GLRA3: variants seen among roughly 807,000 people sequenced by gnomAD.
GLRA3 encodes glycine receptor alpha 3.
GLRA3 carries 44 observed loss-of-function variants against 60.4 expected under a neutral mutation model. The ratio of observed to expected loss-of-function variants is 0.73; its 90% CI spans 0.57 to 0.94. The LOEUF is 0.94. Among genes scored for constraint, GLRA3 ranks in the 40% least tolerant of loss-of-function variants. The pLI is 0.00. For synonymous variants in GLRA3, 223 were observed against 192.9 expected (o/e 1.16, Z -1.29); for missense variants, 508 against 564.6 (o/e 0.90, Z 1.02).
intron 3 of GLRA3, among the ~76,000 whole-genome samples, chr4:174,732,623 T>C (rs1052365229): frequency 5.9e-5 from 9 of 152,030 alleles, no homozygotes; most frequent in Middle Eastern, 3.2e-3. Flanking sequence ...ATCAAATACC[T>C]AGTAGTGAAA....
intron 7 of GLRA3, among the ~76,000 whole-genome samples, chr4:174,672,627 C>T (rs1291981921): frequency 1.3e-5 from 2 of 152,088 alleles, no homozygotes. Flanking sequence ...AGATCTGAAA[C>T]CCACTCCACA....
At chr4:174,691,304 C>A (rs1734785253) in intron 5 of GLRA3, among the ~76,000 whole-genome samples, 1 of 152,124 alleles carries the variant, frequency 6.6e-6, no homozygotes, top group Non-Finnish European at 1.5e-5. Flanking sequence ...TGATGTTGAA[C>A]TTTTTTTCAT....
chr4:174,788,898 A>C lies in GLRA3; in HGVS notation c.117T>G (p.Ala39=). The C allele has an allele frequency of 6.2e-7, 1 of 1,608,126 alleles. No individual in the cohort carries two copies. The highest frequency in any genetic ancestry group is 8.5e-7 in the Non-Finnish European group (1 of 1,175,622). The stretch of plus-strand genomic sequence containing the variant: ...CCAGAAAATCAGAAGGTGACATTGG[A>C]GCACTTCGAGATCTTGCACTGTCTG... ...KETDSARSRS[A]PMSPSDFLDK... Residue 39 remains alanine, a synonymous_variant, in exon 2 of 10, where the codon GCT becomes GCG. Transcript: ENST00000274093.
At chr4:174,707,182 A>T (rs1735549756) in intron 5 of GLRA3, among the ~76,000 whole-genome samples, 1 of 152,194 alleles carries the variant, frequency 6.6e-6, no homozygotes, top group African/African-American at 2.4e-5. Context: ...ATCAAGACAA[A>T]TACCTGTAGT....
At chr4:174,811,015 C>T (rs1696253073) in intron 1 of GLRA3, among the ~76,000 whole-genome samples, 1 of 152,050 alleles carries the variant, frequency 6.6e-6, no homozygotes, top group Middle Eastern at 3.4e-3. Flanking sequence ...GACTTCCTCC[C>T]TAAGCCTGAT....
At position 174,677,146 on chromosome 4, in the gene GLRA3, C is replaced by G. The variant is rs1734155480; in HGVS notation, c.859G>C (p.Ala287Pro). ...INMDAAPARV[A>P]LGITTVLTMT... Reference sequence around the variant, plus strand: ...GTTAGCACAGTGGTTATCCCCAGAGCTACCCTGGCCGGTGCTGCATCCATG... The same window carrying G: ...GTTAGCACAGTGGTTATCCCCAGAGGTACCCTGGCCGGTGCTGCATCCATG... The change falls in exon 7 of 10, where the codon GCT becomes CCT. Residue 287 changes from alanine to proline, a missense_variant. Coordinates refer to ENST00000274093, the MANE Select transcript of GLRA3 (RefSeq NM_006529.4). 1 of 1,613,514 alleles carries G rather than the reference C, an allele frequency of 6.2e-7. No homozygotes were observed. The highest frequency in any genetic ancestry group is 8.5e-7 in the Non-Finnish European group (1 of 1,179,618).
rs868453427 is a variant in GLRA3, at chr4:174,773,805, C to T, written c.200-6775G>A. Among the ~76,000 whole-genome samples, 38 of 152,232 alleles carry T rather than the reference C, an allele frequency of 2.5e-4. 1 individual carries two copies. In the Middle Eastern group the frequency reaches 0.014, roughly 55 times the overall value. ...CTTTCCCTTCCCTTCTCTTCCCTTC[C>T]CCCAAATGCTGCACTAAAGTCATTT... On this transcript the variant is annotated intron_variant, in intron 2 of 9. Coordinates refer to ENST00000274093, the MANE Select transcript of GLRA3 (RefSeq NM_006529.4).
intron 1 of GLRA3, among the ~76,000 whole-genome samples, chr4:174,791,025 G>C (rs1739326374): frequency 6.7e-6 from 1 of 148,388 alleles, no homozygotes; most frequent in African/African-American, 2.5e-5. Flanking sequence ...AAAAATACTA[G>C]ATGACTATGT....
intron 7 of GLRA3, among the ~76,000 whole-genome samples, chr4:174,662,674 T>C (rs940833890): frequency 2.0e-5 from 3 of 152,038 alleles, no homozygotes; most frequent in Non-Finnish European, 2.9e-5. Flanking sequence ...GAGTGGTAAA[T>C]AAAGTAAGGA....
chr4:174,772,315 T>C (rs12644776), intron 2 of GLRA3, among the ~76,000 whole-genome samples: 144,064 of 152,202 alleles, frequency 0.95, 68,661 homozygotes, highest in East Asian at 1. Context: ...GGTGAAAAGT[T>C]GCCTGGCTTC....
intron 2 of GLRA3, among the ~76,000 whole-genome samples, chr4:174,772,954 C>T (rs894362455): frequency 3.3e-5 from 5 of 152,162 alleles, no homozygotes; most frequent in Admixed American, 6.5e-5. Context: ...TCTACCCCTT[C>T]GGTTTCTGGT....
At chr4:174,826,902 C>G (rs1740993906) in intron 1 of GLRA3, among the ~76,000 whole-genome samples, 1 of 145,100 alleles carries the variant, frequency 6.9e-6, no homozygotes, top group Non-Finnish European at 1.5e-5. Flanking sequence ...ATAGGAAATC[C>G]TCTTTTGGGG....
chr4:174,786,864 T>C (rs1380086694), intron 2 of GLRA3, among the ~76,000 whole-genome samples: 1 of 152,166 alleles, frequency 6.6e-6, no homozygotes, highest in Non-Finnish European at 1.5e-5. Context: ...CCTTTTTCTT[T>C]TTCTTCCTTT....
chr4:174,692,800 T>A (rs1017697236), intron 5 of GLRA3, among the ~76,000 whole-genome samples: 1 of 151,988 alleles, frequency 6.6e-6, no homozygotes, highest in African/African-American at 2.4e-5. Context: ...ACACAAACAC[T>A]GCAGAAGGCC....
chr4:174,789,152 G>A (rs1561120193), intron 1 of GLRA3, among the ~76,000 whole-genome samples: 4 of 152,188 alleles, frequency 2.6e-5, no homozygotes, highest in Non-Finnish European at 5.9e-5. Flanking sequence ...CAGTCCAATT[G>A]TCAGAGGTGG....
intron 5 of GLRA3, among the ~76,000 whole-genome samples, chr4:174,687,265 G>T (rs1734583368): frequency 6.6e-6 from 1 of 152,102 alleles, no homozygotes; most frequent in African/African-American, 2.4e-5. Flanking sequence ...TAAAAACAAT[G>T]CCACTTTTAT....
intron 9 of GLRA3, among the ~76,000 whole-genome samples, chr4:174,646,052 G>C (rs1469469975): frequency 2.0e-5 from 3 of 152,146 alleles, no homozygotes; most frequent in Non-Finnish European, 4.4e-5. Flanking sequence ...CAACCTATGT[G>C]TTAAAAGACA....
chr4:174,758,363 GTACTT>G (rs1263061303), intron 3 of GLRA3, among the ~76,000 whole-genome samples: 2 of 152,056 alleles, frequency 1.3e-5, no homozygotes, highest in Non-Finnish European at 2.9e-5. Flanking sequence ...AATGAGAGTG[GTACTT>G]TACTTCTGTG....
rs762356325 is a variant in GLRA3 at position 174,637,863 on chromosome 4, C to T, written c.*5923G>A. ...AAATAATATACATAGAAATTTTCAT[C>T]AATTTCTATTTATCTATGTAGATAA... On this transcript the variant is annotated 3_prime_UTR_variant, in exon 10 of 10. Coordinates refer to ENST00000274093, the MANE Select transcript of GLRA3 (RefSeq NM_006529.4). 1 of 151,938 alleles carries T rather than the reference C, an allele frequency of 6.6e-6. No individual in the cohort carries two copies. Among genetic ancestry groups the T allele is most frequent in the Non-Finnish European group, 1.5e-5 (1 of 67,968 alleles). The allele number at this position is 151,938 out of a possible 1,614,324, so 9.4% of individuals were successfully genotyped here.
Sources: allele counts gnomAD v4.1 joint callset (sites outside exome capture counted in the v4.1 genomes callset), GRCh38; gene constraint gnomAD v4.1.1; transcripts MANE v1.5; gene names NCBI Gene and HGNC (gene_info 2026-07-23, HGNC 2026-07-21).